The following TAOK3 variants were observed in gnomAD, a reference collection of about 807,000 sequenced individuals.
TAOK3 encodes TAO kinase 3.
Under a neutral mutation model 120.4 loss-of-function variants are expected in TAOK3, and 40 were observed. The observed-to-expected ratio is 0.33, with a 90% CI of 0.26 to 0.43. The LOEUF is 0.43. Among genes scored for constraint, TAOK3 ranks in the 20% least tolerant of loss-of-function variants. TAOK3 has a pLI of 1.00. For missense variants in TAOK3, 821 were observed against 1,112.1 expected (o/e 0.74, Z 3.72); for synonymous variants, 355 against 387.5 (o/e 0.92, Z 0.99).
chr12:118,297,609 C>T (rs1003770825), intron 1 of TAOK3, among the ~76,000 whole-genome samples: 10 of 152,152 alleles, frequency 6.6e-5, no homozygotes, highest in African/African-American at 2.2e-4. Context: ...TTCATATGTT[C>T]CTTATATGTT....
chr12:118,353,392 T>G (rs2045256836), intron 1 of TAOK3, among the ~76,000 whole-genome samples: 1 of 152,050 alleles, frequency 6.6e-6, no homozygotes, highest in African/African-American at 2.4e-5. Context: ...TTGGTGTGTT[T>G]GAGAGACCGA....
intron 17 of TAOK3, among the ~76,000 whole-genome samples, chr12:118,163,415 A>G (rs1218283268): frequency 7.1e-6 from 1 of 141,774 alleles, no homozygotes; most frequent in Non-Finnish European, 1.5e-5. Context: ...CAAACAAAAA[A>G]ATCTTAATTA....
chr12:118,205,928 CTTT>C (rs556802843), intron 11 of TAOK3, among the ~76,000 whole-genome samples: 5 of 142,278 alleles, frequency 3.5e-5, no homozygotes, highest in Non-Finnish European at 4.6e-5. Flanking sequence ...CTCTCTCTCT[CTTT>C]TTTTTTTTTT....
intron 13 of TAOK3, among the ~76,000 whole-genome samples, chr12:118,196,787 T>A (rs2037750353): frequency 6.6e-6 from 1 of 152,244 alleles, no homozygotes; most frequent in African/African-American, 2.4e-5. Flanking sequence ...CCCTGCCTTC[T>A]TTTTGGTTTT....
intron 1 of TAOK3, among the ~76,000 whole-genome samples, chr12:118,309,115 G>C (rs975937668): frequency 1.3e-5 from 2 of 151,898 alleles, no homozygotes; most frequent in African/African-American, 4.8e-5. Flanking sequence ...GGTCACCTGA[G>C]GTCAGGAGTT....
Position 118,160,044 on chromosome 12 carries a change from C to T in TAOK3, c.2352+102G>A, listed in dbSNP as rs1592976256. 2 of 1,028,016 alleles carry T rather than the reference C, an allele frequency of 1.9e-6. No homozygotes were observed. The highest frequency in any genetic ancestry group is 4.8e-5 in the East Asian group (2 of 42,042). The allele number at this position is 1,028,016 out of a possible 1,614,324, so 63.7% of individuals were successfully genotyped here. The stretch of plus-strand genomic sequence containing the variant: ...CCTTTGGGCAGAAAAACATCAATAT[C>T]CTAAATTTGTGCAAGAATCATCTTG... On this transcript the variant is annotated intron_variant, in intron 19 of 20. Transcript: ENST00000392533. This position sits in a 1 kb window ranked among gnomAD's most constrained non-coding sequence, Gnocchi z 4.2.
intron 19 of TAOK3, among the ~76,000 whole-genome samples, chr12:118,155,594 T>C (rs952037611): frequency 2.0e-5 from 3 of 152,366 alleles, no homozygotes; most frequent in Admixed American, 1.3e-4. Flanking sequence ...ACATTGATTG[T>C]ACTTGCCACA....
intron 13 of TAOK3, among the ~76,000 whole-genome samples, chr12:118,194,473 T>C (rs1351868851): frequency 6.6e-6 from 1 of 152,116 alleles, no homozygotes; most frequent in Non-Finnish European, 1.5e-5. Context: ...ATTACCTTCA[T>C]ATGTTAATTT....
intron 9 of TAOK3, among the ~76,000 whole-genome samples, chr12:118,230,460 GTTTTTTTT>G (rs71069433): frequency 1.2e-4 from 6 of 49,984 alleles, no homozygotes; most frequent in African/African-American, 1.6e-4. Flanking sequence ...CCTGTGAAGT[GTTTTTTTT>G]TTTTTTTTTT....
chr12:118,313,308 G>T (rs2050575042), intron 1 of TAOK3, among the ~76,000 whole-genome samples: 1 of 149,516 alleles, frequency 6.7e-6, no homozygotes, highest in Non-Finnish European at 1.5e-5. Flanking sequence ...CCGAGTTTTT[G>T]CTCTGTTGTC....
chr12:118,260,635 A>G (rs1428787478), intron 2 of TAOK3, among the ~76,000 whole-genome samples: 1 of 152,198 alleles, frequency 6.6e-6, no homozygotes, highest in Non-Finnish European at 1.5e-5. Flanking sequence ...AAGCAGAGAC[A>G]GACAAAATAT....
chr12:118,153,211 A>C (rs2034573147), intron 19 of TAOK3, among the ~76,000 whole-genome samples: 1 of 152,152 alleles, frequency 6.6e-6, no homozygotes, highest in African/African-American at 2.4e-5. Flanking sequence ...ATTCAATACT[A>C]GCTTGGGAAA....
chr12:118,288,007 C>A (rs573490468), intron 1 of TAOK3, among the ~76,000 whole-genome samples: 19 of 151,442 alleles, frequency 1.3e-4, no homozygotes, highest in Non-Finnish European at 2.7e-4. Context: ...AGAAAATAAA[C>A]CTTCATACAG....
chr12:118,322,312 CAAAAAAA>C (rs372010412), intron 1 of TAOK3, among the ~76,000 whole-genome samples: 3 of 65,872 alleles, frequency 4.6e-5, no homozygotes, highest in African/African-American at 1.2e-4. Context: ...GAGACTGTCT[CAAAAAAA>C]AAAAAAAAAA....
intron 1 of TAOK3, among the ~76,000 whole-genome samples, chr12:118,313,841 G>A (rs2043350784): frequency 6.6e-6 from 1 of 152,130 alleles, no homozygotes. Flanking sequence ...ATCTTACTTG[G>A]CGACTGAGTC....
intron 1 of TAOK3, among the ~76,000 whole-genome samples, chr12:118,306,771 G>A (rs1293979868): frequency 6.6e-6 from 1 of 152,156 alleles, no homozygotes; most frequent in African/African-American, 2.4e-5. Context: ...TCATTCAATT[G>A]TAAAGTAGTA....
chr12:118,171,302 A>T (rs898315813), intron 17 of TAOK3, among the ~76,000 whole-genome samples: 8 of 152,128 alleles, frequency 5.3e-5, no homozygotes, highest in Non-Finnish European at 7.4e-5. Context: ...ACCTCATTGC[A>T]CTTTGCTTTT....
Position 118,371,485 on chromosome 12 carries a change from T to G in TAOK3, c.-194+1163A>C, listed in dbSNP as rs531722554. Among the ~76,000 whole-genome samples the G allele has an allele frequency of 6.6e-6, 1 of 151,724 alleles. No individual in the cohort carries two copies. The highest frequency in any genetic ancestry group is 1.5e-5 in the Non-Finnish European group (1 of 67,948). On this transcript the variant is annotated intron_variant, in intron 1 of 20. Transcript: ENST00000392533. The surrounding 1 kb of genome is among the most constrained non-coding windows in gnomAD (Gnocchi z 5.5). ...CAGCCCCTCCAGCTCCTCCAGCCCATGCGTTTCACTTCAGAGATGTTTCAT... is the reference window on the plus strand; with the variant it reads ...CAGCCCCTCCAGCTCCTCCAGCCCAGGCGTTTCACTTCAGAGATGTTTCAT...
chr12:118,328,698 G>A (rs2044028620), intron 1 of TAOK3, among the ~76,000 whole-genome samples: 1 of 152,086 alleles, frequency 6.6e-6, no homozygotes, highest in African/African-American at 2.4e-5. Context: ...TTCTTCAAGT[G>A]GAAGTGGGAT....
Sources: gnomAD v4.1 joint callset for allele counts (sites outside exome capture counted in the v4.1 genomes callset) on GRCh38, gnomAD v4.1.1 for gene constraint, Gnocchi (gnomAD v3.1) non-coding constraint, MANE v1.5 for transcripts, NCBI Gene and HGNC (gene_info 2026-07-23, HGNC 2026-07-21) for gene names.